RSPH1: variants seen among roughly 807,000 people sequenced by gnomAD.
The protein encoded by RSPH1 is radial spoke head 1 homolog.
In RSPH1, 32 loss-of-function variants were observed where a neutral mutation model predicts 44.2. That is an observed-to-expected ratio of 0.72 (90% confidence interval 0.55 to 0.97). The LOEUF is 0.97. Ranked by LOEUF, RSPH1 falls within the 50% of genes least tolerant of loss-of-function variation. RSPH1 has a pLI of 0.00. For synonymous variants in RSPH1, 134 were observed against 147.3 expected (o/e 0.91, Z 0.65); for missense variants, 391 against 398.7 (o/e 0.98, Z 0.16).
At chr21:42,483,764 T>G (rs2054153370) in intron 5 of RSPH1, among the ~76,000 whole-genome samples, 1 of 152,202 alleles carries the variant, frequency 6.6e-6, no homozygotes, top group Non-Finnish European at 1.5e-5. Context: ...ATCTACATTT[T>G]TTTTCTATAT....
Position 42,482,688 on chromosome 21 carries a change from A to C in RSPH1, c.522T>G (p.Tyr174Ter). The stretch of plus-strand genomic sequence containing the variant: ...GTTGTTCACACCCAACATCAAATAC[A>C]TACTTTCCAGGGCCAACAGGCTACG... The part of the protein sequence containing the change: ...LNKNPVGPGK[Y>*]VFDVGCEQHG... Residue 174 changes from tyrosine to a stop codon, truncating the protein, a stop_gained, in exon 6 of 9, where the codon TAT becomes TAG. Coordinates refer to ENST00000291536, the MANE Select transcript of RSPH1 (RefSeq NM_080860.4). LOFTEE classifies it high-confidence loss of function. The C allele has an allele frequency of 1.2e-6, 2 of 1,613,508 alleles. No homozygotes were observed. Among genetic ancestry groups the C allele is most frequent in the Non-Finnish European group, 1.7e-6 (2 of 1,179,618 alleles).
rs952203396 is a variant in RSPH1 at position 42,488,713 on chromosome 21, G to A, written c.275-2252C>T. On this transcript the variant is annotated intron_variant, in intron 3 of 8. Transcript: ENST00000291536. ...ACTTAAAAAACCTGTTAAGAGGCTC[G>A]GCCCAGCATTTTGTAATGCCACCAC... Among the ~76,000 whole-genome samples, 32 of 152,066 alleles carry A rather than the reference G, an allele frequency of 2.1e-4. 1 individual carries two copies. Among genetic ancestry groups the A allele is most frequent in the Admixed American group, 1.7e-3 (26 of 15,262 alleles).
chr21:42,483,884 G>A (rs572576819), intron 5 of RSPH1, among the ~76,000 whole-genome samples: 1 of 152,236 alleles, frequency 6.6e-6, no homozygotes, highest in African/African-American at 2.4e-5. Flanking sequence ...CTAGCACTAT[G>A]TCTTGACTCC....
chr21:42,487,482 G>C (rs1248293449), intron 3 of RSPH1, among the ~76,000 whole-genome samples: 1 of 152,186 alleles, frequency 6.6e-6, no homozygotes, highest in African/African-American at 2.4e-5. Context: ...ATTACAAAAT[G>C]GTTGCCATAT....
At chr21:42,480,069 G>A (rs1217432189) in intron 6 of RSPH1, among the ~76,000 whole-genome samples, 1 of 152,226 alleles carries the variant, frequency 6.6e-6, no homozygotes, top group Non-Finnish European at 1.5e-5. Flanking sequence ...AGCCAAGAAG[G>A]TGGACCATGA....
rs750717245 is a variant in RSPH1 at position 42,472,804 on chromosome 21, C to T, written c.*14G>A. The T allele has an allele frequency of 2.5e-6, 4 of 1,598,216 alleles. No homozygotes were observed. Among genetic ancestry groups the T allele is most frequent in the Admixed American group, 3.3e-5 (2 of 59,704 alleles). ...GCATTCTTATGATACGATCTCCTCT[C>T]GGCTCACTTCATCTTAGTCCTGGAG... On this transcript the variant is annotated 3_prime_UTR_variant, in exon 9 of 9. Coordinates refer to ENST00000291536, the MANE Select transcript of RSPH1 (RefSeq NM_080860.4).
intron 4 of RSPH1, 156 bp downstream of exon 4, chr21:42,486,215 C>T: frequency 1.5e-6 from 1 of 647,414 alleles, no homozygotes; most frequent in South Asian, 1.8e-5. Flanking sequence ...GAAAGGCATC[C>T]TTGCCTCAAA....
Position 42,472,782 on chromosome 21 carries a change from T to C in RSPH1, c.*36A>G, listed in dbSNP as rs2054005254. On this transcript the variant is annotated 3_prime_UTR_variant, in exon 9 of 9. Transcript: ENST00000291536. ...CTGCACCCGGCTAACGACAGAAGCA[T>C]TCTTATGATACGATCTCCTCTCGGC... is the stretch of plus-strand genomic sequence containing the variant. 2 of 1,541,034 alleles carry C rather than the reference T, an allele frequency of 1.3e-6. No homozygotes were observed. The highest frequency in any genetic ancestry group is 1.4e-5 in the African/African-American group (1 of 73,276).
intron 3 of RSPH1, 68 bp downstream of exon 3, chr21:42,492,690 G>A: frequency 1.1e-6 from 1 of 882,888 alleles, no homozygotes; most frequent in Non-Finnish European, 1.9e-6. Flanking sequence ...AGTATTCACA[G>A]ACAAGTTCAG....
At chr21:42,477,027 GTCCC>G (rs1568958731) in intron 7 of RSPH1, among the ~76,000 whole-genome samples, 10 of 33,738 alleles carry the variant, frequency 3.0e-4, no homozygotes, top group South Asian at 1.0e-3. Context: ...CACACCCTCT[GTCCC>G]ACAGCCCGGG....
intron 3 of RSPH1, among the ~76,000 whole-genome samples, chr21:42,491,238 G>A (rs1469152684): frequency 6.6e-6 from 1 of 152,132 alleles, no homozygotes; most frequent in Non-Finnish European, 1.5e-5. Flanking sequence ...ATCTGAAGTG[G>A]GGCAGTCTTG....
intron 1 of RSPH1, 134 bp from the exon 2 acceptor site, chr21:42,493,213 C>G: frequency 1.3e-6 from 1 of 760,780 alleles, no homozygotes; most frequent in Non-Finnish European, 2.2e-6. Context: ...AATTGTCCCA[C>G]CTTTCCCACC....
chr21:42,493,757 GT>G (rs1399611306), intron 1 of RSPH1, among the ~76,000 whole-genome samples: 1 of 152,204 alleles, frequency 6.6e-6, no homozygotes, highest in Non-Finnish European at 1.5e-5. Context: ...TCTGTGGTTT[GT>G]TTTTGTTTTT....
intron 8 of RSPH1, among the ~76,000 whole-genome samples, chr21:42,473,282 G>A (rs1388714643): frequency 6.6e-6 from 1 of 152,192 alleles, no homozygotes; most frequent in African/African-American, 2.4e-5. Context: ...CTTGAGGTCA[G>A]GAGTTCGAGA....
At chr21:42,477,686 C>T (rs558497906) in intron 6 of RSPH1, among the ~76,000 whole-genome samples, 15 of 152,262 alleles carry the variant, frequency 9.9e-5, no homozygotes, top group African/African-American at 2.9e-4. Flanking sequence ...GCTGGGCCAG[C>T]GAGCTTTATA....
At chr21:42,491,905 C>T (rs991379429) in intron 3 of RSPH1, among the ~76,000 whole-genome samples, 1 of 152,192 alleles carries the variant, frequency 6.6e-6, no homozygotes, top group African/African-American at 2.4e-5. Context: ...GCAGGTGTCT[C>T]CCTGTGTTTA....
At chr21:42,477,891 T>C (rs2054085562) in intron 6 of RSPH1, among the ~76,000 whole-genome samples, 1 of 152,108 alleles carries the variant, frequency 6.6e-6, no homozygotes, top group Non-Finnish European at 1.5e-5. Context: ...AGTAGAAACA[T>C]AATTATTTAT....
chr21:42,475,870 G>GC, intron 8 of RSPH1, 28 bp downstream of exon 8: 1 of 1,606,224 alleles, frequency 6.2e-7, no homozygotes, highest in Non-Finnish European at 8.5e-7. Context: ...GCGGGCCCTC[G>GC]CCCCACTTCC....
chr21:42,495,708 T>C (rs1214685210), intron 1 of RSPH1, among the ~76,000 whole-genome samples: 1 of 152,082 alleles, frequency 6.6e-6, no homozygotes, highest in South Asian at 2.1e-4. Context: ...GAAGCAACTA[T>C]CCTCCATGCA....
Sources: allele counts gnomAD v4.1 joint callset (sites outside exome capture counted in the v4.1 genomes callset), GRCh38; gene constraint gnomAD v4.1.1; transcripts MANE v1.5; gene names NCBI Gene and HGNC (gene_info 2026-07-23, HGNC 2026-07-21).